Variants in TMOD3 observed in about 807,000 individuals in gnomAD.
TMOD3 encodes tropomodulin-3.
TMOD3 carries 20 observed loss-of-function variants against 39.2 expected under a neutral mutation model. The observed-to-expected ratio is 0.51, with a 90% CI of 0.36 to 0.74. The LOEUF (loss-of-function observed/expected upper bound fraction) is 0.74, where lower values mean the gene tolerates loss of function less well. Among genes scored for constraint, TMOD3 ranks in the 30% least tolerant of loss-of-function variants. TMOD3 has a pLI of 0.00. For synonymous variants in TMOD3, 143 were observed against 145.8 expected, an observed-to-expected ratio of 0.98 and a Z score of 0.14; for missense variants, 381 against 412.8, an observed-to-expected ratio of 0.92 and a Z score of 0.67.
At position 51,864,003 on chromosome 15, in the gene TMOD3, C is replaced by T. The variant is rs569171279; in HGVS notation, c.126+993C>T. ...ACTGGAAAAAGTGGCTGGGTGCTCA[C>T]GCCTATAATCGCAGCACTTTGGGAG... On this transcript the variant is annotated intron_variant, in intron 2 of 9. Coordinates refer to ENST00000308580, the MANE Select transcript of TMOD3 (RefSeq NM_014547.5). Among the ~76,000 whole-genome samples the T allele has an allele frequency of 2.2e-4, 34 of 152,184 alleles. No homozygotes were observed. In the South Asian group the frequency reaches 4.8e-3, roughly 21 times the overall value.
At chr15:51,886,536 C>T (rs982230124) in intron 3 of TMOD3, among the ~76,000 whole-genome samples, 16 of 152,190 alleles carry the variant, frequency 1.1e-4, no homozygotes, top group African/African-American at 2.9e-4. Flanking sequence ...CGTGGCGGTG[C>T]GCGCCCGCAT....
Position 51,911,486 on chromosome 15 carries a change from C to T in TMOD3, c.*2676C>T, listed in dbSNP as rs1458108059. 6.6e-6 allele frequency: 1 copy of T among 152,034 alleles called. No homozygotes were observed. Among genetic ancestry groups the T allele is most frequent in the African/African-American group, 2.4e-5 (1 of 41,404 alleles). The allele number at this position is 152,034 out of a possible 1,614,324, so 9.4% of individuals were successfully genotyped here. A position where few individuals can be genotyped will look rare whatever the true frequency, so the allele number is the denominator to read the frequency against. On this transcript the variant is annotated 3_prime_UTR_variant, in exon 10 of 10. Transcript: ENST00000308580. ...TACTTCAATCTTTAAAAATCTGGCACCTCTTAGTAACTTTCAGTATTTCTA... is the reference window on the plus strand; with the variant it reads ...TACTTCAATCTTTAAAAATCTGGCATCTCTTAGTAACTTTCAGTATTTCTA...
rs2056703773 is a variant in TMOD3 at position 51,910,323 on chromosome 15, C to G, written c.*1513C>G. ...GGCGCAGTGGCTCACGCCTGTAATC[C>G]CAGCACTTTTGGGAAGCCAAAGTGG... On this transcript the variant is annotated 3_prime_UTR_variant, in exon 10 of 10. Transcript: ENST00000308580. 1 of 152,106 alleles carries G rather than the reference C, an allele frequency of 6.6e-6. No individual in the cohort carries two copies. The highest frequency in any genetic ancestry group is 1.5e-5 in the Non-Finnish European group (1 of 68,058). 9.4% of individuals were successfully genotyped at this position (152,106 alleles called of 1,614,324 possible). A position where few individuals can be genotyped will look rare whatever the true frequency, so the allele number is the denominator to read the frequency against.
chr15:51,850,161 TAGA>T (rs1274374391), intron 1 of TMOD3, among the ~76,000 whole-genome samples: 5 of 152,028 alleles, frequency 3.3e-5, no homozygotes, highest in African/African-American at 9.7e-5. Context: ...GGATGTGAAG[TAGA>T]AGGAGAGTTT....
intron 2 of TMOD3, among the ~76,000 whole-genome samples, chr15:51,867,185 C>A (rs2056451411): frequency 1.3e-5 from 2 of 152,162 alleles, no homozygotes; most frequent in South Asian, 4.1e-4. Context: ...TATCAGGCAG[C>A]TGATCCAGGT....
intron 1 of TMOD3, among the ~76,000 whole-genome samples, chr15:51,848,883 C>T (rs2056348006): frequency 6.6e-6 from 1 of 152,170 alleles, no homozygotes; most frequent in African/African-American, 2.4e-5. Flanking sequence ...CTAAGAAGAG[C>T]AGGCCAATTT....
chr15:51,912,361 A>T lies in TMOD3; in HGVS notation c.*3551A>T, dbSNP rs1219679899. ...AGAATCACTAGAACTCGGGAGGCGG[A>T]GGTTGCAGTTAGCTGAGGTCGCGCC... On this transcript the variant is annotated 3_prime_UTR_variant, in exon 10 of 10. Coordinates refer to ENST00000308580, the MANE Select transcript of TMOD3 (RefSeq NM_014547.5). 1 of 151,442 alleles carries T rather than the reference A, an allele frequency of 6.6e-6. No homozygotes were observed. The allele number at this position is 151,442 out of a possible 1,614,324, so 9.4% of individuals were successfully genotyped here. A position where few individuals can be genotyped will look rare whatever the true frequency, so the allele number is the denominator to read the frequency against.
chr15:51,854,553 A>T (rs2056378678), intron 1 of TMOD3, among the ~76,000 whole-genome samples: 1 of 152,244 alleles, frequency 6.6e-6, no homozygotes. Flanking sequence ...TAACAAATAT[A>T]GTCAGTGTCG....
chr15:51,899,523 G>A lies in TMOD3; in HGVS notation c.736-632G>A, dbSNP rs137876615. The stretch of plus-strand genomic sequence containing the variant: ...TCTACAAAAAATACAAAAATTAGCC[G>A]GGCATGGTGGCACACAACTGTAGTC... On this transcript the variant is annotated intron_variant, in intron 7 of 9. Transcript: ENST00000308580. Among the ~76,000 whole-genome samples the A allele has an allele frequency of 1.0e-3, 159 of 151,682 alleles. 1 individual carries two copies. The highest frequency in any genetic ancestry group is 1.6e-3 in the Non-Finnish European group (111 of 67,882).
At chr15:51,875,691 C>A (rs529788838) in intron 3 of TMOD3, among the ~76,000 whole-genome samples, 44 of 148,268 alleles carry the variant, frequency 3.0e-4, no homozygotes, top group African/African-American at 1.0e-3. Flanking sequence ...TCTCGGTTCA[C>A]TGCAAGTTCC....
chr15:51,848,024 C>G (rs772364651), intron 1 of TMOD3, among the ~76,000 whole-genome samples: 2 of 152,096 alleles, frequency 1.3e-5, no homozygotes, highest in Non-Finnish European at 2.9e-5. Context: ...AGAGAGCTGC[C>G]TTGCATTTCT....
At chr15:51,846,694 T>C (rs750199500) in intron 1 of TMOD3, among the ~76,000 whole-genome samples, 2 of 152,216 alleles carry the variant, frequency 1.3e-5, no homozygotes, top group Non-Finnish European at 2.9e-5. Context: ...ATATTTGGTT[T>C]TGTTCACAGT....
chr15:51,848,399 C>A (rs1227974109), intron 1 of TMOD3, among the ~76,000 whole-genome samples: 1 of 152,180 alleles, frequency 6.6e-6, no homozygotes, highest in Non-Finnish European at 1.5e-5. Flanking sequence ...TTTACCTTAG[C>A]CTTCTCCATC....
chr15:51,900,163 A>C lies in TMOD3; in HGVS notation c.744A>C (p.Ala248=), dbSNP rs545482957. The C allele has an allele frequency of 5.0e-6, 8 of 1,613,860 alleles. No homozygotes were observed. In the East Asian group the frequency reaches 1.6e-4, roughly 31 times the overall value. ...TTTTCTCTAATTTCTAGGCTTTTGC[A>C]GAAATGCTGAAAGTGAACAAAACTT... ...RSNDPVATAF[A]EMLKVNKTLK... is the part of the protein sequence containing the mutation. The change falls in exon 8 of 10, where the codon GCA becomes GCC. Residue 248 remains alanine (A), a synonymous_variant. Transcript: ENST00000308580.
intron 1 of TMOD3, chr15:51,861,299 C>T (rs1413471415): frequency 3.4e-5 from 12 of 356,812 alleles, no homozygotes; most frequent in Admixed American, 6.6e-5. Flanking sequence ...CCATGAGGTC[C>T]GAACTCTACA....
intron 2 of TMOD3, among the ~76,000 whole-genome samples, chr15:51,864,517 A>T (rs916520569): frequency 6.6e-6 from 1 of 152,106 alleles, no homozygotes; most frequent in Non-Finnish European, 1.5e-5. Context: ...CCTTGAAAGA[A>T]GAGTTTATTA....
intron 1 of TMOD3, chr15:51,860,007 T>C (rs2056408975): frequency 3.7e-6 from 2 of 540,796 alleles, no homozygotes; most frequent in Non-Finnish European, 7.4e-6. Flanking sequence ...CACTTCCACA[T>C]GGCCTCCCTT....
At chr15:51,869,770 C>G (rs1206687023) in intron 3 of TMOD3, among the ~76,000 whole-genome samples, 1 of 152,160 alleles carries the variant, frequency 6.6e-6, no homozygotes, top group Non-Finnish European at 1.5e-5. Context: ...TTCAAAGACC[C>G]TTTTAAAAAG....
At chr15:51,906,470 T>C (rs1368955931) in intron 9 of TMOD3, among the ~76,000 whole-genome samples, 1 of 152,148 alleles carries the variant, frequency 6.6e-6, no homozygotes, top group Non-Finnish European at 1.5e-5. Flanking sequence ...GCTCTCCATC[T>C]CTCCAGCTAA....
Sources: gnomAD v4.1 joint callset for allele counts (sites outside exome capture counted in the v4.1 genomes callset) on GRCh38, gnomAD v4.1.1 for gene constraint, MANE v1.5 for transcripts, NCBI Gene and HGNC (gene_info 2026-07-23, HGNC 2026-07-21) for gene names.